LNX1: variants seen among roughly 807,000 people sequenced by gnomAD.
LNX1 encodes the protein E3 ubiquitin-protein ligase LNX.
In LNX1, 54 loss-of-function variants were observed where a neutral mutation model predicts 68.4. The observed-to-expected ratio is 0.79, with a 90% CI of 0.63 to 0.99. The LOEUF is 0.99. LNX1 is among the 50% of genes least tolerant of loss of function. LNX1 has a pLI of 0.00. For synonymous variants in LNX1, 336 were observed against 350.0 expected (o/e 0.96, Z 0.45); for missense variants, 906 against 926.4 (o/e 0.98, Z 0.29).
intron 2 of LNX1, among the ~76,000 whole-genome samples, chr4:53,608,685 C>T (rs1231089748): frequency 2.0e-5 from 3 of 152,042 alleles, no homozygotes; most frequent in Non-Finnish European, 2.9e-5. Flanking sequence ...GCACTGTTCA[C>T]AGTAGCAAAG....
intron 6 of LNX1, among the ~76,000 whole-genome samples, chr4:53,482,944 C>T (rs1460837815): frequency 6.6e-6 from 1 of 152,156 alleles, no homozygotes; most frequent in Non-Finnish European, 1.5e-5. Flanking sequence ...ATTCTCTCTG[C>T]TATGTACATT....
At chr4:53,529,723 T>C (rs1478269418) in intron 2 of LNX1, among the ~76,000 whole-genome samples, 2 of 152,144 alleles carry the variant, frequency 1.3e-5, no homozygotes, top group African/African-American at 4.8e-5. Flanking sequence ...CAGAGCCACA[T>C]TGGAAAGAAC....
chr4:53,607,132 T>A (rs2616396), intron 2 of LNX1, among the ~76,000 whole-genome samples: 63,991 of 151,824 alleles, frequency 0.42, 13,432 homozygotes, highest in Admixed American at 0.45. Flanking sequence ...AGAAAGAAAG[T>A]AAGGAAAGGC....
chr4:53,488,299 A>T (rs1317647550), intron 6 of LNX1, among the ~76,000 whole-genome samples: 3 of 152,214 alleles, frequency 2.0e-5, no homozygotes, highest in Non-Finnish European at 4.4e-5. Context: ...TGGTCTAGTT[A>T]TGCCCAGTAG....
intron 9 of LNX1, among the ~76,000 whole-genome samples, chr4:53,465,287 T>G (rs190694684): frequency 6.6e-6 from 1 of 152,320 alleles, no homozygotes; most frequent in Non-Finnish European, 1.5e-5. Flanking sequence ...TCAAACATTT[T>G]TGACAGAACT....
intron 2 of LNX1, among the ~76,000 whole-genome samples, chr4:53,508,801 G>A (rs1579436676): frequency 6.6e-6 from 1 of 152,166 alleles, no homozygotes; most frequent in Non-Finnish European, 1.5e-5. Context: ...TGGTCTGGGA[G>A]GGCCTCCCTG....
intron 2 of LNX1, among the ~76,000 whole-genome samples, chr4:53,523,868 C>T (rs1727423033): frequency 6.6e-6 from 1 of 152,166 alleles, no homozygotes; most frequent in Admixed American, 6.5e-5. Context: ...CCTCCTGCTT[C>T]CCCTGGCAGT....
rs776123461 is a variant in LNX1 at position 53,476,764 on chromosome 4, C to G, written c.1881G>C (p.Leu627=). The part of the protein sequence containing the change: ...SDWSPSWVMW[L]ELPRCLYNCK... ...GTGTTTGGACTTACCGTGGTAATTCCAGCCACATGACCCAGGATGGGGACC... is the reference window on the plus strand; with the variant it reads ...GTGTTTGGACTTACCGTGGTAATTCGAGCCACATGACCCAGGATGGGGACC... The change falls in exon 9 of 11, where the codon CTG becomes CTC. Residue 627 remains leucine (L), a synonymous_variant. Transcript: ENST00000263925. 36 of 1,613,930 alleles carry G rather than the reference C, an allele frequency of 2.2e-5. No individual in the cohort carries two copies. Among genetic ancestry groups the G allele is most frequent in the Non-Finnish European group, 3.0e-5 (35 of 1,179,950 alleles).
At chr4:53,566,984 G>C (rs2109757448) in intron 2 of LNX1, among the ~76,000 whole-genome samples, 1 of 152,182 alleles carries the variant, frequency 6.6e-6, no homozygotes, top group East Asian at 1.9e-4. Flanking sequence ...GGAGCACCCA[G>C]ATTCATAAAG....
intron 2 of LNX1, among the ~76,000 whole-genome samples, chr4:53,519,685 GCA>G (rs369736491): frequency 6.6e-6 from 1 of 151,632 alleles, no homozygotes; most frequent in Non-Finnish European, 1.5e-5. Flanking sequence ...GCGCGCACAT[GCA>G]CACACACACA....
chr4:53,621,326 C>A (rs995375424), upstream of LNX1, among the ~76,000 whole-genome samples: 14 of 152,184 alleles, frequency 9.2e-5, no homozygotes, highest in African/African-American at 3.4e-4. Context: ...TTGGATGTCC[C>A]TTTTCGGCAT....
intron 2 of LNX1, among the ~76,000 whole-genome samples, chr4:53,533,268 G>A (rs1728139215): frequency 6.6e-6 from 1 of 152,184 alleles, no homozygotes; most frequent in African/African-American, 2.4e-5. Flanking sequence ...ACATACAAAG[G>A]AACCAGATTT....
chr4:53,526,867 TC>T (rs1394181002), intron 2 of LNX1, among the ~76,000 whole-genome samples: 1 of 152,100 alleles, frequency 6.6e-6, no homozygotes, highest in African/African-American at 2.4e-5. Context: ...TCTTTGAATC[TC>T]CAGCAGCTGG....
chr4:53,573,439 C>T (rs1341285150), intron 2 of LNX1, among the ~76,000 whole-genome samples, 184 bp downstream of exon 2: 1 of 152,210 alleles, frequency 6.6e-6, no homozygotes, highest in Non-Finnish European at 1.5e-5. Context: ...TAAACACATA[C>T]ATACAACACA....
chr4:53,568,959 T>C (rs1257549010), intron 2 of LNX1, among the ~76,000 whole-genome samples: 6 of 151,840 alleles, frequency 4.0e-5, no homozygotes, highest in Middle Eastern at 3.4e-3. Flanking sequence ...TTACAAGGGA[T>C]GTGAAGGACC....
upstream of LNX1, among the ~76,000 whole-genome samples, chr4:53,622,174 G>A (rs1435652017): frequency 6.6e-6 from 1 of 152,104 alleles, no homozygotes. Flanking sequence ...TCCTAAGAAG[G>A]AAACTGTTGA....
intron 2 of LNX1, among the ~76,000 whole-genome samples, chr4:53,571,236 T>G (rs1260778495): frequency 1.3e-5 from 2 of 151,776 alleles, no homozygotes; most frequent in African/African-American, 4.8e-5. Flanking sequence ...GCCAAATTGG[T>G]CTCAAACTCC....
rs369167469 is a variant in LNX1 at position 53,508,133 on chromosome 4, C to T, written c.475G>A (p.Ala159Thr). Reference sequence around the variant, plus strand: ...GCTGCAGAAACCTCTGGGGAGGGAGCCGTGGCTGTGAGGCTCGCACAGCCG... The same window carrying T: ...GCTGCAGAAACCTCTGGGGAGGGAGTCGTGGCTGTGAGGCTCGCACAGCCG... ...PDGCASLTAT[A>T]PSPEVSAAAT... Residue 159 changes from alanine to threonine, a missense_variant, in exon 3 of 11, where the codon GCT becomes ACT. By Grantham distance (58) the Ala-to-Thr change is moderately conservative. Transcript: ENST00000263925. The T allele has an allele frequency of 3.7e-6, 6 of 1,614,038 alleles. No individual in the cohort carries two copies. Among genetic ancestry groups the T allele is most frequent in the African/African-American group, 1.3e-5 (1 of 74,926 alleles).
At chr4:53,586,757 A>G (rs1732196899) in intron 1 of LNX1, among the ~76,000 whole-genome samples, 1 of 152,216 alleles carries the variant, frequency 6.6e-6, no homozygotes, top group Non-Finnish European at 1.5e-5. Context: ...GCAAATCTCA[A>G]ATTGGTGGAT....
Sources: allele counts gnomAD v4.1 joint callset (sites outside exome capture counted in the v4.1 genomes callset), GRCh38; gene constraint gnomAD v4.1.1; transcripts MANE v1.5; gene names NCBI Gene and HGNC (gene_info 2026-07-23, HGNC 2026-07-21).